The following DNAJC7 variants were observed in gnomAD, a reference collection of about 807,000 sequenced individuals.
DNAJC7 encodes the protein DnaJ heat shock protein family (Hsp40) member C7, also known as dnaJ homolog subfamily C member 7.
A neutral mutation model predicts 67.4 loss-of-function variants in DNAJC7; 18 were observed. That is an observed-to-expected ratio of 0.27 (90% CI 0.18 to 0.40). The LOEUF is 0.40. DNAJC7 is among the 10% of genes least tolerant of loss of function. The probability of loss-of-function intolerance (pLI) is 1.00; values close to 1 mark genes in which losing one functional copy is unlikely to be tolerated. For synonymous variants in DNAJC7, 220 were observed against 207.8 expected (o/e 1.06, Z -0.50); for missense variants, 419 against 613.8 (o/e 0.68, Z 3.35).
At chr17:42,010,497 A>T (rs1351701402) in intron 1 of DNAJC7, among the ~76,000 whole-genome samples, 1 of 151,666 alleles carries the variant, frequency 6.6e-6, no homozygotes, top group Non-Finnish European at 1.5e-5. Flanking sequence ...TGTCTCAAAA[A>T]TATATATATA....
chr17:41,981,655 G>T, intron 12 of DNAJC7, 200 bp downstream of exon 12: 1 of 649,358 alleles, frequency 1.5e-6, no homozygotes, highest in Non-Finnish European at 2.5e-6. Flanking sequence ...GCCTTCCCTT[G>T]CTAGTGCTCG....
At chr17:42,009,523 C>T (rs545287167) in intron 1 of DNAJC7, among the ~76,000 whole-genome samples, 1 of 152,346 alleles carries the variant, frequency 6.6e-6, no homozygotes, top group Admixed American at 6.5e-5. Context: ...AACATATTCA[C>T]TTGGAAATAC....
At chr17:41,992,390 T>A (rs567033947) in intron 5 of DNAJC7, among the ~76,000 whole-genome samples, 14 of 152,092 alleles carry the variant, frequency 9.2e-5, no homozygotes, top group Admixed American at 7.9e-4. Context: ...GTCAGGCTGG[T>A]CTCTAACTCC....
intron 6 of DNAJC7, 146 bp from the exon 7 acceptor site, chr17:41,989,703 A>G (rs1280037407): frequency 2.0e-6 from 2 of 1,022,716 alleles, no homozygotes; most frequent in Non-Finnish European, 2.8e-6. Flanking sequence ...CTGTTCCCAA[A>G]CTTTCCCCAA....
chr17:41,985,576 G>C (rs2051354214), intron 9 of DNAJC7: 2 of 152,060 alleles, frequency 1.3e-5, no homozygotes, highest in African/African-American at 4.8e-5. Context: ...TTAAAATTCA[G>C]GGATATCCTC....
In DNAJC7 at chr17:41,976,461, C is replaced by CTTTT; in HGVS notation, c.*268_*271dup. ...AGGAAGGGTCAAAACATTTTATTCT[C>CTTTT]TTTTTTTTTTCTTTTTTAATAAAGT... On this transcript the variant is annotated 3_prime_UTR_variant, in exon 14 of 14. Coordinates refer to ENST00000457167, the MANE Select transcript of DNAJC7 (RefSeq NM_003315.4). 3.0e-6 allele frequency: 1 copy of CTTTT among 335,928 alleles called. No individual in the cohort carries two copies. Among genetic ancestry groups the CTTTT allele is most frequent in the Non-Finnish European group, 5.4e-6 (1 of 185,324 alleles). 20.8% of individuals were successfully genotyped at this position (335,928 alleles called of 1,614,324 possible). A position where few individuals can be genotyped will look rare whatever the true frequency, so the allele number is the denominator to read the frequency against.
chr17:42,016,062 C>A (rs2052273363), intron 1 of DNAJC7: 1 of 152,110 alleles, frequency 6.6e-6, no homozygotes, highest in Non-Finnish European at 1.5e-5. Flanking sequence ...GTAGGAACAA[C>A]ATGAAAGCTC....
chr17:41,983,761 C>T (rs2143130577), intron 9 of DNAJC7, 125 bp from the exon 10 acceptor site: 3 of 724,134 alleles, frequency 4.1e-6, no homozygotes, highest in South Asian at 5.3e-5. Context: ...GCTTCAGAAA[C>T]AGGAGCCCTT....
intron 12 of DNAJC7, chr17:41,977,593 C>CCAAGG: frequency 3.0e-6 from 1 of 331,922 alleles, no homozygotes; most frequent in African/African-American, 2.1e-5. Flanking sequence ...CTTCATTGGG[C>CCAAGG]TGTTTTCTCA....
intron 1 of DNAJC7, chr17:42,016,910 G>A (rs2052314059): frequency 1.4e-5 from 15 of 1,086,186 alleles, no homozygotes; most frequent in Non-Finnish European, 1.7e-5. Context: ...AGGGAAAACG[G>A]GGTGAGGAGA....
chr17:42,006,818 A>AAAAAAAAAC (rs2051975582), intron 1 of DNAJC7, among the ~76,000 whole-genome samples: 1 of 137,956 alleles, frequency 7.2e-6, no homozygotes, highest in South Asian at 2.3e-4. Context: ...AAAAAAAAAA[A>AAAAAAAAAC]GTCCAGGCAC....
At chr17:42,006,192 T>C (rs1309280523) in intron 1 of DNAJC7, among the ~76,000 whole-genome samples, 1 of 140,298 alleles carries the variant, frequency 7.1e-6, no homozygotes, top group Non-Finnish European at 1.6e-5. Context: ...TCACCTCTGT[T>C]ACCTAGGCTG....
chr17:41,986,378 G>A (rs938381030), intron 9 of DNAJC7, among the ~76,000 whole-genome samples: 3 of 151,666 alleles, frequency 2.0e-5, no homozygotes, highest in South Asian at 2.1e-4. Context: ...GCGACATAGC[G>A]AGACTCCATC....
rs781864713 is a variant in DNAJC7, at chr17:41,988,724, G to A, written c.918+8C>T. 5.0e-6 allele frequency: 8 copies of A among 1,589,544 alleles called. No homozygotes were observed. In the South Asian group the frequency reaches 9.3e-5, roughly 18 times the overall value. On this transcript the variant is annotated splice_region_variant and intron_variant, in intron 8 of 13. Transcript: ENST00000457167. Reference sequence around the variant, plus strand: ...CTATAGGCCCCAAGATCTAGATCAAGAGCTTACCTTGGAATTAACCGTACC... The same window carrying A: ...CTATAGGCCCCAAGATCTAGATCAAAAGCTTACCTTGGAATTAACCGTACC...
At chr17:42,016,936 A>G in intron 1 of DNAJC7, 7 of 1,139,136 alleles carry the variant, frequency 6.1e-6, no homozygotes, top group Non-Finnish European at 7.6e-6. Context: ...GGTTTTGGAG[A>G]CGGAAAGTGC....
At position 41,989,488 on chromosome 17, in the gene DNAJC7, T is replaced by C. The variant is rs377703181; in HGVS notation, c.669A>G (p.Glu223=). The change falls in exon 7 of 14, where the codon GAA becomes GAG. Residue 223 remains glutamate, a synonymous_variant. Coordinates refer to ENST00000457167, the MANE Select transcript of DNAJC7 (RefSeq NM_003315.4). ...LYVRGLCLYY[E]DCIEKAVQFF... The stretch of plus-strand genomic sequence containing the variant: ...ACTGAACTGCCTTCTCAATACAATC[T>C]TCGTAATAAAGGCAAAGACCTCGTA... The C allele has an allele frequency of 6.1e-5, 98 of 1,613,878 alleles. No homozygotes were observed. The African/African-American group carries it at 1.3e-3, about 21-fold the overall frequency.
At chr17:42,004,069 C>T (rs1555649826) in intron 1 of DNAJC7, among the ~76,000 whole-genome samples, 1 of 149,422 alleles carries the variant, frequency 6.7e-6, no homozygotes, top group East Asian at 2.0e-4. Flanking sequence ...GTTCTCTCGC[C>T]TTAGCCTCCC....
At chr17:41,979,220 T>C (rs1354471968) in intron 12 of DNAJC7, among the ~76,000 whole-genome samples, 5 of 151,420 alleles carry the variant, frequency 3.3e-5, no homozygotes, top group Non-Finnish European at 5.9e-5. Flanking sequence ...GTGCCTGTAA[T>C]CCCAGCTACT....
At chr17:42,017,253 AGCTGGGG>A in intron 1 of DNAJC7, 80 bp downstream of exon 1, 1 of 1,603,098 alleles carries the variant, frequency 6.2e-7, no homozygotes, top group East Asian at 2.2e-5. Flanking sequence ...TCGCCTCAAC[AGCTGGGG>A]GCTGCATCAT....
Sources: allele counts gnomAD v4.1 joint callset (sites outside exome capture counted in the v4.1 genomes callset), GRCh38; gene constraint gnomAD v4.1.1; transcripts MANE v1.5; gene names NCBI Gene and HGNC (gene_info 2026-07-23, HGNC 2026-07-21).